Variants in APOBEC3F observed in about 807,000 individuals in gnomAD.
APOBEC3F encodes the protein DNA dC->dU-editing enzyme APOBEC-3F.
A neutral mutation model predicts 45.8 loss-of-function variants in APOBEC3F; 34 were observed. The observed-to-expected ratio is 0.74, with a 90% CI of 0.57 to 0.99. The LOEUF is 0.99. APOBEC3F is among the 50% of genes least tolerant of loss of function. The pLI, the probability that APOBEC3F is intolerant of heterozygous loss-of-function variation, is 0.00. For synonymous variants in APOBEC3F, 192 were observed against 174.4 expected (o/e 1.10, Z -0.80); for missense variants, 459 against 474.1 (o/e 0.97, Z 0.30).
rs936931247 is a variant in APOBEC3F at position 39,053,824 on chromosome 22, C to T, written c.*1129C>T. On this transcript the variant is annotated 3_prime_UTR_variant, in exon 7 of 7. Transcript: ENST00000308521. ...ACCATTGCTCCCAAAATGGACTTCT[C>T]TGCAAGCCTGACTCCTGAAACTGTG... The T allele has an allele frequency of 3.9e-5, 6 of 152,170 alleles. No homozygotes were observed. The highest frequency in any genetic ancestry group is 1.4e-4 in the African/African-American group (6 of 41,412). The allele number at this position is 152,170 out of a possible 1,614,324, so 9.4% of individuals were successfully genotyped here. A position where few individuals can be genotyped will look rare whatever the true frequency, so the allele number is the denominator to read the frequency against.
At chr22:39,048,373 T>C (rs772874238) in intron 4 of APOBEC3F, among the ~76,000 whole-genome samples, 16 of 152,184 alleles carry the variant, frequency 1.1e-4, no homozygotes, top group Admixed American at 6.5e-4. Flanking sequence ...CTCACAGCAC[T>C]TAGGAGAGTG....
intron 4 of APOBEC3F, among the ~76,000 whole-genome samples, chr22:39,047,746 C>T (rs1289635316): frequency 6.6e-6 from 1 of 151,788 alleles, no homozygotes; most frequent in Non-Finnish European, 1.5e-5. Context: ...CCTGCTGAGA[C>T]TCTCCCCCGA....
chr22:39,049,611 A>G (rs1199919770), intron 5 of APOBEC3F, 30 bp downstream of exon 5: 6 of 1,611,680 alleles, frequency 3.7e-6, no homozygotes, highest in African/African-American at 1.3e-5. Flanking sequence ...TACACCCCAA[A>G]TAGGAGCTAA....
At position 39,045,559 on chromosome 22, in the gene APOBEC3F, G is replaced by A; in HGVS notation, c.566+17G>A. 6.2e-7 allele frequency: 1 copy of A among 1,613,938 alleles called. No individual in the cohort carries two copies. Among genetic ancestry groups the A allele is most frequent in the Middle Eastern group, 1.7e-4 (1 of 6,058 alleles). Reference sequence around the variant, plus strand: ...GATTCTCAGGTGAGGGTCTCCCTCTGGCCTCATCGTCTGTCTCCTCTCGCC... The same window carrying A: ...GATTCTCAGGTGAGGGTCTCCCTCTAGCCTCATCGTCTGTCTCCTCTCGCC... On this transcript the variant is annotated intron_variant, in intron 4 of 6. Coordinates refer to ENST00000308521, the MANE Select transcript of APOBEC3F (RefSeq NM_145298.6).
intron 5 of APOBEC3F, among the ~76,000 whole-genome samples, chr22:39,050,861 A>T (rs1296749092): frequency 2.6e-5 from 4 of 152,202 alleles, no homozygotes; most frequent in African/African-American, 7.2e-5. Flanking sequence ...GGGGCTGAGG[A>T]TGCCCGGTTA....
intron 5 of APOBEC3F, among the ~76,000 whole-genome samples, chr22:39,050,837 A>G (rs1054960712): frequency 6.6e-6 from 1 of 152,116 alleles, no homozygotes; most frequent in Non-Finnish European, 1.5e-5. Flanking sequence ...ACCCCATAGG[A>G]CCAGGCCACA....
At chr22:39,050,017 T>A (rs1298425754) in intron 5 of APOBEC3F, among the ~76,000 whole-genome samples, 1 of 151,564 alleles carries the variant, frequency 6.6e-6, no homozygotes, top group Admixed American at 6.6e-5. Flanking sequence ...CCCACATTTT[T>A]TAAGTCCGTG....
chr22:39,049,923 G>C (rs1396334006), intron 5 of APOBEC3F, among the ~76,000 whole-genome samples: 1 of 151,066 alleles, frequency 6.6e-6, no homozygotes, highest in Non-Finnish European at 1.5e-5. Flanking sequence ...GGCTGGTTTC[G>C]AATTCCTGAC....
At chr22:39,051,793 A>G (rs947582084) in intron 5 of APOBEC3F, among the ~76,000 whole-genome samples, 2 of 151,956 alleles carry the variant, frequency 1.3e-5, no homozygotes, top group African/African-American at 4.8e-5. Context: ...CTCTACAAAA[A>G]TTACAAAAAA....
In APOBEC3F at chr22:39,053,299, A is replaced by G. The variant is rs1301019422; in HGVS notation, c.*604A>G. The G allele has an allele frequency of 1.3e-5, 2 of 151,858 alleles. No individual in the cohort carries two copies. The highest frequency in any genetic ancestry group is 2.9e-5 in the Non-Finnish European group (2 of 67,952). 9.4% of individuals were successfully genotyped at this position (151,858 alleles called of 1,614,324 possible). ...GCGTGAGCCACTGGCCCGGCGGCAC[A>G]ACCAAATCTTATTAAACTCACCCTA... is the stretch of plus-strand genomic sequence containing the variant. On this transcript the variant is annotated 3_prime_UTR_variant, in exon 7 of 7. Coordinates refer to ENST00000308521, the MANE Select transcript of APOBEC3F (RefSeq NM_145298.6).
rs188733113 is a variant in APOBEC3F at position 39,048,722 on chromosome 22, G to A, written c.567-703G>A. ...GTTGGGAGGCTGAGGCAGGAGAATC[G>A]CTTGAAACCAAGAGGCAGAGGTTGC... On this transcript the variant is annotated intron_variant, in intron 4 of 6. Coordinates refer to ENST00000308521, the MANE Select transcript of APOBEC3F (RefSeq NM_145298.6). 2.1e-3 allele frequency among the ~76,000 whole-genome samples: 314 copies of A among 152,168 alleles called. 1 individual carries two copies. The highest frequency in any genetic ancestry group is 7.1e-3 in the African/African-American group (295 of 41,502).
Position 39,053,167 on chromosome 22 carries a change from T to G in APOBEC3F, c.*472T>G, listed in dbSNP as rs1189290426. On this transcript the variant is annotated 3_prime_UTR_variant, in exon 7 of 7. Transcript: ENST00000308521. ...ACGCACAGCTAACTTTTTTTTTTTT[T>G]GTATTTTTAGTAGTGACTGGGTTTC... 6.6e-6 allele frequency: 1 copy of G among 152,382 alleles called. No homozygotes were observed. The highest frequency in any genetic ancestry group is 2.4e-5 in the African/African-American group (1 of 41,454). 9.4% of individuals were successfully genotyped at this position (152,382 alleles called of 1,614,324 possible).
chr22:39,052,205 G>A lies in APOBEC3F; in HGVS notation c.855G>A (p.Gly285=). 3 of 1,614,202 alleles carry A rather than the reference G, an allele frequency of 1.9e-6. No individual in the cohort carries two copies. The South Asian group carries it at 3.3e-5, about 18-fold the overall frequency. Residue 285 remains glycine, a synonymous_variant, in exon 6 of 7, where the codon GGG becomes GGA. Coordinates refer to ENST00000308521, the MANE Select transcript of APOBEC3F (RefSeq NM_145298.6). Reference sequence around the variant, plus strand: ...GGAGCCCTTGCCCAGAGTGTGCAGGGGAGGTGGCCGAGTTCCTGGCCAGGC... The same window carrying A: ...GGAGCCCTTGCCCAGAGTGTGCAGGAGAGGTGGCCGAGTTCCTGGCCAGGC... ...TSWSPCPECA[G]EVAEFLARHS...
In APOBEC3F at chr22:39,049,590, A is replaced by G. The variant is rs762988178; in HGVS notation, c.723+9A>G. On this transcript the variant is annotated intron_variant, in intron 5 of 6. Coordinates refer to ENST00000308521, the MANE Select transcript of APOBEC3F (RefSeq NM_145298.6). ...GCGTCTTCCGAAACCAGGTAGCACC[A>G]AAGTCCTATTTACACCCCAAATAGG... The G allele has an allele frequency of 3.7e-6, 6 of 1,613,834 alleles. No individual in the cohort carries two copies. Among genetic ancestry groups the G allele is most frequent in the South Asian group, 1.1e-5 (1 of 91,074 alleles).
Position 39,054,452 on chromosome 22 carries a change from G to A in APOBEC3F, c.*1757G>A, listed in dbSNP as rs2146353578. On this transcript the variant is annotated 3_prime_UTR_variant, in exon 7 of 7. Coordinates refer to ENST00000308521, the MANE Select transcript of APOBEC3F (RefSeq NM_145298.6). ...TCAACATCTTGACCAGGCTGGTCTT[G>A]AACTCCTGACCTCGTGATCCACCCG... is the stretch of plus-strand genomic sequence containing the variant. Among the ~76,000 whole-genome samples the A allele has an allele frequency of 6.6e-6, 1 of 152,000 alleles. No homozygotes were observed.
At chr22:39,046,855 G>T (rs1052132456) in intron 4 of APOBEC3F, among the ~76,000 whole-genome samples, 14 of 152,018 alleles carry the variant, frequency 9.2e-5, no homozygotes, top group African/African-American at 3.4e-4. Flanking sequence ...CAAAAGAGTA[G>T]GCTTGGATAA....
chr22:39,044,297 G>C lies in APOBEC3F; in HGVS notation c.172-644G>C, dbSNP rs1037495807. The C allele has an allele frequency of 5.3e-6, 8 of 1,514,666 alleles. No individual in the cohort carries two copies. The African/African-American group carries it at 1.1e-4, about 21-fold the overall frequency. The allele number at this position is 1,514,666 out of a possible 1,614,324, so 93.8% of individuals were successfully genotyped here. A position where few individuals can be genotyped will look rare whatever the true frequency, so the allele number is the denominator to read the frequency against. On this transcript the variant is annotated intron_variant, in intron 2 of 6. Coordinates refer to ENST00000308521, the MANE Select transcript of APOBEC3F (RefSeq NM_145298.6). ...ATGGATGCCAGAATTCACGCATGAG[G>C]CTCTGAACAGGGCTGGGAAAACTTC...
chr22:39,041,603 C>A (rs1459331143), intron 1 of APOBEC3F, among the ~76,000 whole-genome samples: 3 of 152,084 alleles, frequency 2.0e-5, no homozygotes, highest in African/African-American at 7.2e-5. Flanking sequence ...GTGGCTCACA[C>A]CTGTCATCCC....
At chr22:39,046,459 C>T (rs990369524) in intron 4 of APOBEC3F, among the ~76,000 whole-genome samples, 14 of 152,076 alleles carry the variant, frequency 9.2e-5, no homozygotes, top group Non-Finnish European at 1.9e-4. Context: ...TCCCTCCAGA[C>T]CTTGCTGCAC....
Sources: allele counts gnomAD v4.1 joint callset (sites outside exome capture counted in the v4.1 genomes callset), GRCh38; gene constraint gnomAD v4.1.1; transcripts MANE v1.5; gene names NCBI Gene and HGNC (gene_info 2026-07-23, HGNC 2026-07-21).